DGKB: variants seen among roughly 807,000 people sequenced by gnomAD.
The protein encoded by DGKB is diacylglycerol kinase beta, also known as 90 kDa diacylglycerol kinase.
In DGKB, 67 loss-of-function variants were observed where a neutral mutation model predicts 114.3. That is an observed-to-expected ratio of 0.59 (90% confidence interval 0.48 to 0.72). The LOEUF (loss-of-function observed/expected upper bound fraction) is 0.72. Ranked by LOEUF, DGKB falls within the 30% of genes least tolerant of loss-of-function variation. The probability of loss-of-function intolerance (pLI) is 0.00; values close to 1 mark genes in which losing one functional copy is unlikely to be tolerated. For missense variants in DGKB, 907 were observed against 975.2 expected, an observed-to-expected ratio of 0.93 and a Z score of 0.93; for synonymous variants, 398 against 323.1, an observed-to-expected ratio of 1.23 and a Z score of -2.49.
At chr7:14,367,330 T>C (rs989126353) in intron 21 of DGKB, among the ~76,000 whole-genome samples, 2 of 152,012 alleles carry the variant, frequency 1.3e-5, no homozygotes, top group Non-Finnish European at 2.9e-5. Context: ...TGACAGGCAA[T>C]TGAATCATGA....
intron 1 of DGKB, among the ~76,000 whole-genome samples, chr7:14,943,148 T>C (rs1785666400): frequency 1.3e-5 from 2 of 152,022 alleles, no homozygotes; most frequent in South Asian, 4.1e-4. Flanking sequence ...AATGTCATGC[T>C]TGCATTCCTT....
chr7:14,668,209 TG>T (rs1299241724), intron 13 of DGKB, among the ~76,000 whole-genome samples: 1 of 152,110 alleles, frequency 6.6e-6, no homozygotes, highest in African/African-American at 2.4e-5. Context: ...GAATAAAATT[TG>T]TGAGGCTGGT....
At chr7:14,964,608 G>C (rs1185408060) in intron 1 of DGKB, among the ~76,000 whole-genome samples, 3 of 152,264 alleles carry the variant, frequency 2.0e-5, no homozygotes, top group Non-Finnish European at 4.4e-5. Context: ...GTTATGCAGA[G>C]GGCACTAGAA....
At chr7:14,165,669 T>C (rs550590924) in intron 25 of DGKB, among the ~76,000 whole-genome samples, 2 of 152,228 alleles carry the variant, frequency 1.3e-5, no homozygotes, top group African/African-American at 4.8e-5. Context: ...ATATATATTA[T>C]GTGAAGTGCT....
rs560862880 is a variant in DGKB, at chr7:14,621,499, A to G, written c.1168-5T>C. 2 of 1,535,658 alleles carry G rather than the reference A, an allele frequency of 1.3e-6. No homozygotes were observed. Among genetic ancestry groups the G allele is most frequent in the African/African-American group, 1.4e-5 (1 of 71,988 alleles). On this transcript the variant is annotated splice_region_variant and splice_polypyrimidine_tract_variant and intron_variant, in intron 14 of 25. Transcript: ENST00000402815. ...TTTCACTGTTGATTGTCTTTCCTGT[A>G]AAAAAGAAAATTTTGATAAAAATAA...
chr7:14,535,833 C>G (rs1163167640), intron 20 of DGKB, among the ~76,000 whole-genome samples: 1 of 152,078 alleles, frequency 6.6e-6, no homozygotes, highest in South Asian at 2.1e-4. Flanking sequence ...GATCCACCCC[C>G]CTCAGCCTCC....
At chr7:14,468,095 A>G (rs777078790) in intron 21 of DGKB, among the ~76,000 whole-genome samples, 2 of 152,178 alleles carry the variant, frequency 1.3e-5, no homozygotes, top group Non-Finnish European at 1.5e-5. Flanking sequence ...TTAGAAATTA[A>G]GTATTTAAAT....
intron 23 of DGKB, among the ~76,000 whole-genome samples, chr7:14,269,572 G>T (rs1006020527): frequency 1.3e-5 from 2 of 152,100 alleles, no homozygotes; most frequent in Non-Finnish European, 1.5e-5. Context: ...CTCCACCTCT[G>T]AGTCTTACAA....
chr7:14,454,135 T>C (rs1238426983), intron 21 of DGKB, among the ~76,000 whole-genome samples: 4 of 152,154 alleles, frequency 2.6e-5, no homozygotes, highest in African/African-American at 4.8e-5. Flanking sequence ...TCAACTTTTC[T>C]AGTGTTAGAA....
chr7:14,890,904 G>A (rs1165350365), intron 1 of DGKB, among the ~76,000 whole-genome samples: 2 of 149,900 alleles, frequency 1.3e-5, no homozygotes, highest in African/African-American at 2.4e-5. Flanking sequence ...TCTAACTTAC[G>A]CTTCTGAAAT....
intron 21 of DGKB, among the ~76,000 whole-genome samples, chr7:14,452,306 A>C (rs1831645602): frequency 1.3e-5 from 2 of 152,138 alleles, no homozygotes; most frequent in African/African-American, 4.8e-5. Context: ...AATGTAAAAC[A>C]ACCAGGGTAA....
At chr7:14,497,919 C>A (rs1449582219) in intron 20 of DGKB, among the ~76,000 whole-genome samples, 1 of 151,758 alleles carries the variant, frequency 6.6e-6, no homozygotes, top group Non-Finnish European at 1.5e-5. Context: ...CATGGAAGGA[C>A]AGCTCATTTT....
chr7:14,842,594 C>T (rs1473292040), intron 1 of DGKB, among the ~76,000 whole-genome samples: 1 of 152,186 alleles, frequency 6.6e-6, no homozygotes, highest in Non-Finnish European at 1.5e-5. Flanking sequence ...GGACATCTTC[C>T]ACCCAGTTTC....
intron 23 of DGKB, among the ~76,000 whole-genome samples, chr7:14,261,453 C>A (rs1280518060): frequency 6.6e-6 from 1 of 152,048 alleles, no homozygotes; most frequent in Non-Finnish European, 1.5e-5. Flanking sequence ...ATATCATATA[C>A]TGTACAGTGA....
chr7:14,379,551 T>A (rs1032857358), intron 21 of DGKB, among the ~76,000 whole-genome samples: 17 of 151,990 alleles, frequency 1.1e-4, no homozygotes, highest in South Asian at 4.2e-4. Flanking sequence ...GCAATTGCTT[T>A]TTTTATTTTA....
At chr7:14,864,032 G>A (rs1249798774) in intron 1 of DGKB, among the ~76,000 whole-genome samples, 1 of 150,198 alleles carries the variant, frequency 6.7e-6, no homozygotes, top group Non-Finnish European at 1.5e-5. Flanking sequence ...CCAGGAGGCA[G>A]AGGTTGCGAT....
At chr7:14,180,905 A>G (rs906414450) in intron 23 of DGKB, among the ~76,000 whole-genome samples, 1 of 152,210 alleles carries the variant, frequency 6.6e-6, no homozygotes, top group African/African-American at 2.4e-5. Flanking sequence ...TGGCCTAACC[A>G]GCTAGATCAA....
intron 23 of DGKB, among the ~76,000 whole-genome samples, chr7:14,292,115 G>C (rs985533022): frequency 6.6e-6 from 1 of 152,162 alleles, no homozygotes; most frequent in African/African-American, 2.4e-5. Context: ...TTCATGAAAA[G>C]TGATTTTATT....
intron 12 of DGKB, among the ~76,000 whole-genome samples, chr7:14,674,947 C>T (rs1474112591): frequency 6.6e-6 from 1 of 152,034 alleles, no homozygotes; most frequent in Non-Finnish European, 1.5e-5. Context: ...TTTGTTACAG[C>T]AGCCCTAGGA....
Sources: gnomAD v4.1 joint callset for allele counts (sites outside exome capture counted in the v4.1 genomes callset) on GRCh38, gnomAD v4.1.1 for gene constraint, MANE v1.5 for transcripts, NCBI Gene and HGNC (gene_info 2026-07-23, HGNC 2026-07-21) for gene names.